Variants in CDKN2B-AS1 observed in about 807,000 individuals in gnomAD.
CDKN2B-AS1 encodes CDKN2B and CDKN2A antisense cis and trans regulatory RNA 1.
At chr9:22,043,807 T>C (rs1426290763) in intron 1 of CDKN2B-AS1, among the ~76,000 whole-genome samples, 1 of 151,980 alleles carries the variant, frequency 6.6e-6, no homozygotes, top group Non-Finnish European at 1.5e-5. Flanking sequence ...AAATATACTT[T>C]AATATAAATA....
chr9:22,055,132 TTTA>T (rs1307566660), intron 3 of CDKN2B-AS1, among the ~76,000 whole-genome samples: 1 of 152,202 alleles, frequency 6.6e-6, no homozygotes, highest in Non-Finnish European at 1.5e-5. Context: ...AAAATTTATT[TTTA>T]TTAAGGTATA....
chr9:22,054,579 C>T (rs1053062847), intron 3 of CDKN2B-AS1, among the ~76,000 whole-genome samples: 4 of 151,988 alleles, frequency 2.6e-5, no homozygotes, highest in Non-Finnish European at 5.9e-5. Flanking sequence ...AAAAAGCCGA[C>T]AAATTTGTTT....
rs1822818131 is a variant in CDKN2B-AS1 at position 22,039,510 on chromosome 9, TA to T, written n.30-7240del. ...TGTGTGGATAGCATTGTTGTTGTAA[TA>T]TTTTGACTGTAAGCTTCTAGGAGGT... On this transcript the variant is annotated intron_variant and non_coding_transcript_variant, in intron 1 of 4. Coordinates refer to ENST00000650946, the Ensembl canonical transcript of CDKN2B-AS1. The surrounding 1 kb of genome is among the most constrained non-coding windows in gnomAD (Gnocchi z 4.4). Among the ~76,000 whole-genome samples, 1 of 152,056 alleles carries T rather than the reference TA, an allele frequency of 6.6e-6. No homozygotes were observed. The highest frequency in any genetic ancestry group is 1.5e-5 in the Non-Finnish European group (1 of 67,964).
At chr9:22,087,582 A>C (rs72652420) in intron 4 of CDKN2B-AS1, among the ~76,000 whole-genome samples, 108 of 152,326 alleles carry the variant, frequency 7.1e-4, no homozygotes, top group Non-Finnish European at 1.3e-3. Flanking sequence ...TGCTGATTAT[A>C]ATATTTGTCC....
intron 4 of CDKN2B-AS1, among the ~76,000 whole-genome samples, chr9:22,073,920 G>A (rs1824395244): frequency 6.6e-6 from 1 of 151,462 alleles, no homozygotes; most frequent in South Asian, 2.1e-4. Context: ...CTGGAGAGCA[G>A]TGTTATGATC....
chr9:22,000,170 C>T lies in CDKN2B-AS1; in HGVS notation n.29+5009C>T, dbSNP rs1185946439. Among the ~76,000 whole-genome samples the T allele has an allele frequency of 6.6e-6, 1 of 152,136 alleles. No homozygotes were observed. The highest frequency in any genetic ancestry group is 2.4e-5 in the African/African-American group (1 of 41,440). ...TGATCAACAAGTCTAAATGTTAAAA[C>T]ATCCTCACGGGTGATTCTGACATGG... On this transcript the variant is annotated intron_variant and non_coding_transcript_variant, in intron 1 of 4. Coordinates refer to ENST00000650946, the Ensembl canonical transcript of CDKN2B-AS1. This position sits in a 1 kb window ranked among gnomAD's most constrained non-coding sequence, Gnocchi z 4.1.
intron 1 of CDKN2B-AS1, among the ~76,000 whole-genome samples, chr9:22,007,999 C>G (rs1282463079): frequency 6.6e-6 from 1 of 151,844 alleles, no homozygotes; most frequent in African/African-American, 2.4e-5. Context: ...TGACCACTAG[C>G]CAACGGTAAA....
Position 22,006,254 on chromosome 9 carries a change from G to C in CDKN2B-AS1, n.29+11093G>C. On this transcript the variant is annotated intron_variant and non_coding_transcript_variant, in intron 1 of 4. Transcript: ENST00000650946. The surrounding 1 kb of genome is among the most constrained non-coding windows in gnomAD (Gnocchi z 6.4). ...CGCTGCCCATCATCATGACCTGCCA[G>C]AGAGAGCAGAGTGGTCAGAGCCAGG... 1 of 1,603,416 alleles carries C rather than the reference G, an allele frequency of 6.2e-7. No individual in the cohort carries two copies. The highest frequency in any genetic ancestry group is 8.5e-7 in the Non-Finnish European group (1 of 1,179,894).
chr9:22,043,973 G>A (rs1021971404), intron 1 of CDKN2B-AS1, among the ~76,000 whole-genome samples: 13 of 151,870 alleles, frequency 8.6e-5, no homozygotes, highest in Non-Finnish European at 1.6e-4. Context: ...AGTAACCATA[G>A]CAATGGTAAT....
At chr9:22,025,829 T>C (rs906903485) in intron 1 of CDKN2B-AS1, among the ~76,000 whole-genome samples, 4 of 152,130 alleles carry the variant, frequency 2.6e-5, no homozygotes, top group African/African-American at 7.2e-5. Context: ...CTTTCAAAAG[T>C]AGTCTTGCCC....
At chr9:22,050,330 G>A (rs562931967) in intron 3 of CDKN2B-AS1, among the ~76,000 whole-genome samples, 6 of 152,270 alleles carry the variant, frequency 3.9e-5, no homozygotes, top group East Asian at 3.9e-4. Context: ...AATTGATTAC[G>A]TATAGAGCCA....
In CDKN2B-AS1 at chr9:21,995,161, G is replaced by C. The variant is rs1223074724; in HGVS notation, n.29G>C. On this transcript the variant is annotated splice_region_variant and non_coding_transcript_exon_variant, in exon 1 of 5. Transcript: ENST00000650946. This position sits in a 1 kb window ranked among gnomAD's most constrained non-coding sequence, Gnocchi z 5.7. The stretch of plus-strand genomic sequence containing the variant: ...GTCGACCCGGCCTGGCGCCGGACTA[G>C]GTAGGTGGAGTCGCACCCGGGGGTC... 5.3e-5 allele frequency: 8 copies of C among 152,366 alleles called. No individual in the cohort carries two copies. The highest frequency in any genetic ancestry group is 5.2e-4 in the Admixed American group (8 of 15,312). 9.4% of individuals were successfully genotyped at this position (152,366 alleles called of 1,614,324 possible). A position where few individuals can be genotyped will look rare whatever the true frequency, so the allele number is the denominator to read the frequency against.
chr9:22,061,377 A>G (rs192001866), intron 4 of CDKN2B-AS1, among the ~76,000 whole-genome samples: 1 of 152,330 alleles, frequency 6.6e-6, no homozygotes, highest in Admixed American at 6.5e-5. Context: ...ATTTTCTCCC[A>G]TTTATACTTT....
At chr9:22,022,908 A>G (rs1822072260) in intron 1 of CDKN2B-AS1, among the ~76,000 whole-genome samples, 1 of 152,186 alleles carries the variant, frequency 6.6e-6, no homozygotes, top group African/African-American at 2.4e-5. Context: ...CAGATATAAA[A>G]TTCTGGGTTG....
rs200735564 is a variant in CDKN2B-AS1, at chr9:22,098,151, CTG to C, written n.439-28950_439-28949del. Among the ~76,000 whole-genome samples, 520 of 140,430 alleles carry C rather than the reference CTG, an allele frequency of 3.7e-3. 7 individuals carry two copies. The highest frequency in any genetic ancestry group is 0.018 in the Admixed American group (266 of 14,948). The allele number at this position is 140,430 out of a possible 152,430, so 92.1% of individuals were successfully genotyped here. A position where few individuals can be genotyped will look rare whatever the true frequency, so the allele number is the denominator to read the frequency against. On this transcript the variant is annotated intron_variant and non_coding_transcript_variant, in intron 4 of 4. Coordinates refer to ENST00000650946, the Ensembl canonical transcript of CDKN2B-AS1. ...ATGTAGATGGAATATCTTTCTCTCT[CTG>C]TCTCTGTGTGTGTGTGTGTGTGTGT...
intron 1 of CDKN2B-AS1, chr9:22,012,685 C>T: frequency 2.9e-6 from 1 of 343,658 alleles, no homozygotes. Context: ...TAACCTTGCC[C>T]TCATTTATGC....
At chr9:22,064,689 T>C (rs1179366569) in intron 4 of CDKN2B-AS1, among the ~76,000 whole-genome samples, 1 of 152,092 alleles carries the variant, frequency 6.6e-6, no homozygotes, top group Admixed American at 6.5e-5. Flanking sequence ...GTGTGGAGCC[T>C]GGGGTCTTGA....
At chr9:22,083,608 G>C (rs1481302260) in intron 4 of CDKN2B-AS1, among the ~76,000 whole-genome samples, 1 of 152,178 alleles carries the variant, frequency 6.6e-6, no homozygotes, top group Non-Finnish European at 1.5e-5. Context: ...AGCACCCTAG[G>C]TGATGCTGAA....
At chr9:22,106,964 C>G (rs140043080) in intron 4 of CDKN2B-AS1, among the ~76,000 whole-genome samples, 26 of 152,228 alleles carry the variant, frequency 1.7e-4, no homozygotes, top group African/African-American at 6.3e-4. Flanking sequence ...AGGATTCGAA[C>G]CAAGGTAATT....
Sources: allele counts gnomAD v4.1 joint callset (sites outside exome capture counted in the v4.1 genomes callset), GRCh38; gene constraint gnomAD v4.1.1; non-coding constraint Gnocchi (gnomAD v3.1); transcripts MANE v1.5; gene names NCBI Gene and HGNC (gene_info 2026-07-23, HGNC 2026-07-21).